Variants in CASP5 observed in about 807,000 individuals in gnomAD.
The protein encoded by CASP5 is caspase 5.
Under a neutral mutation model 45.2 loss-of-function variants are expected in CASP5, and 42 were observed. That is an observed-to-expected ratio of 0.93 (90% CI 0.73 to 1.20). The LOEUF (loss-of-function observed/expected upper bound fraction) is 1.20, where lower values mean the gene tolerates loss of function less well. CASP5 is among the 50% of genes most tolerant of loss of function. The pLI, the probability that CASP5 is intolerant of heterozygous loss-of-function variation, is 0.00. For synonymous variants in CASP5, 209 were observed against 186.2 expected (o/e 1.12, Z -1.00); for missense variants, 512 against 532.2 (o/e 0.96, Z 0.37).
intron 2 of CASP5, 126 bp from the exon 3 acceptor site, chr11:105,007,460 G>T: frequency 3.3e-6 from 3 of 899,146 alleles, no homozygotes; most frequent in Non-Finnish European, 5.1e-6. Flanking sequence ...TGTCTCCAGC[G>T]AATAACACAC....
At chr11:105,022,405 C>T (rs1863017543) in intron 1 of CASP5, among the ~76,000 whole-genome samples, 1 of 152,018 alleles carries the variant, frequency 6.6e-6, no homozygotes, top group Non-Finnish European at 1.5e-5. Context: ...CAGTTTCTTC[C>T]TTTTTCCAGT....
At chr11:105,005,944 T>G (rs2134715719) in intron 3 of CASP5, among the ~76,000 whole-genome samples, 1 of 152,042 alleles carries the variant, frequency 6.6e-6, no homozygotes, top group Middle Eastern at 3.4e-3. Context: ...TAGCATGTGG[T>G]TTCTGTTGAG....
chr11:104,997,436 T>C lies in CASP5; in HGVS notation c.1153A>G (p.Thr385Ala). The C allele has an allele frequency of 6.2e-7, 1 of 1,613,408 alleles. No individual in the cohort carries two copies. Among genetic ancestry groups the C allele is most frequent in the Non-Finnish European group, 8.5e-7 (1 of 1,179,416 alleles). ...CAGCAAGAATATTTCTGGAAGCATG[T>C]GATGAGTTCCGTAATGAAGATGGAG... ...RGSIFITELI[T>A]CFQKYSCCCH... The change falls in exon 8 of 10, where the codon ACA becomes GCA. Residue 385 changes from threonine to alanine, a missense_variant. Coordinates refer to ENST00000260315, the MANE Select transcript of CASP5 (RefSeq NM_004347.5).
Position 105,008,935 on chromosome 11 carries a change from A to C in CASP5, c.53T>G (p.Phe18Cys). 1 of 1,612,008 alleles carries C rather than the reference A, an allele frequency of 6.2e-7. No homozygotes were observed. Among genetic ancestry groups the C allele is most frequent in the South Asian group, 1.1e-5 (1 of 90,564 alleles). Residue 18 changes from phenylalanine (F) to cysteine (C), a missense_variant, in exon 2 of 10, where the codon TTC (phenylalanine) becomes TGC (cysteine). Phe to Cys is a radical substitution (Grantham distance 205). Transcript: ENST00000260315. ...KKRRKNFEAM[F>C]KGILQSGLDN... ...CAATCCACTCTGAAGGATACCTTTG[A>C]ACATAGCTTCAAAATTCTTACGCCT...
At chr11:105,016,365 A>T (rs183486372) in intron 1 of CASP5, among the ~76,000 whole-genome samples, 1 of 152,124 alleles carries the variant, frequency 6.6e-6, no homozygotes, top group African/African-American at 2.4e-5. Context: ...CGAGCAGAAG[A>T]CGGGTGATTT....
chr11:104,995,920 GC>G, intron 8 of CASP5, 78 bp from the exon 9 acceptor site: 1 of 902,732 alleles, frequency 1.1e-6, no homozygotes, highest in East Asian at 2.5e-5. Flanking sequence ...ACCAGGAAAT[GC>G]CTGAATGAAG....
At chr11:104,997,328 A>G in intron 8 of CASP5, 55 bp downstream of exon 8, 1 of 1,253,406 alleles carries the variant, frequency 8.0e-7, no homozygotes, top group Non-Finnish European at 1.2e-6. Context: ...GTGAATAATG[A>G]TAAATTCTTT....
chr11:105,016,529 G>C (rs990672916), intron 1 of CASP5, among the ~76,000 whole-genome samples: 2 of 152,194 alleles, frequency 1.3e-5, no homozygotes, highest in African/African-American at 4.8e-5. Flanking sequence ...CCCTTTCCTA[G>C]TCAAAGAAAG....
At chr11:105,014,462 G>T (rs1349688530) in intron 1 of CASP5, among the ~76,000 whole-genome samples, 3 of 152,108 alleles carry the variant, frequency 2.0e-5, no homozygotes, top group African/African-American at 4.8e-5. Flanking sequence ...GCTCTGTGAG[G>T]ATAGGTGGCC....
At chr11:105,004,673 T>G (rs1214374456) in intron 3 of CASP5, among the ~76,000 whole-genome samples, 2 of 152,316 alleles carry the variant, frequency 1.3e-5, no homozygotes, top group Admixed American at 1.3e-4. Context: ...CTCTTCATTT[T>G]TAATAATATT....
intron 1 of CASP5, among the ~76,000 whole-genome samples, chr11:105,019,079 C>T (rs1391172882): frequency 3.4e-5 from 5 of 148,392 alleles, no homozygotes; most frequent in East Asian, 1.9e-4. Context: ...GAAATGAAGG[C>T]AGAAATAAAG....
At chr11:105,003,173 C>T in intron 4 of CASP5, 101 bp downstream of exon 4, 1 of 768,796 alleles carries the variant, frequency 1.3e-6, no homozygotes, top group South Asian at 1.5e-5. Flanking sequence ...GCACTCCAGG[C>T]TGGGCAACAG....
At chr11:105,000,200 A>C in intron 6 of CASP5, 61 bp downstream of exon 6, 1 of 1,557,490 alleles carries the variant, frequency 6.4e-7, no homozygotes, top group African/African-American at 1.4e-5. Flanking sequence ...AATATAAACC[A>C]AACATCACAA....
chr11:104,995,824 C>G lies in CASP5; in HGVS notation c.1225G>C (p.Val409Leu), dbSNP rs781292126. Residue 409 changes from valine to leucine, a missense_variant, in exon 9 of 10, where the codon GTT becomes CTT. Transcript: ENST00000260315. ...IFRKVQKSFE[V>L]PQAKAQMPTI... ...GGCATCTGGGCTTTAGCCTGTGGAA[C>G]TTCAAATGATTTCTGTACCTAAAAG... The G allele has an allele frequency of 6.2e-7, 1 of 1,611,078 alleles. No individual in the cohort carries two copies. The highest frequency in any genetic ancestry group is 8.5e-7 in the Non-Finnish European group (1 of 1,177,702).
chr11:105,002,514 C>A (rs1328938726), intron 4 of CASP5, among the ~76,000 whole-genome samples: 1 of 152,134 alleles, frequency 6.6e-6, no homozygotes, highest in Non-Finnish European at 1.5e-5. Flanking sequence ...GTGTTGTCAT[C>A]GGCTCCAGTA....
chr11:104,999,581 CA>C (rs1861625575), intron 6 of CASP5, among the ~76,000 whole-genome samples: 2 of 152,164 alleles, frequency 1.3e-5, no homozygotes, highest in Non-Finnish European at 2.9e-5. Context: ...TAATTTCATA[CA>C]TACATACAGA....
At chr11:105,020,117 T>TA (rs1309600454) in intron 1 of CASP5, among the ~76,000 whole-genome samples, 1 of 146,054 alleles carries the variant, frequency 6.8e-6, no homozygotes, top group African/African-American at 2.5e-5. Context: ...CGCTTCATGC[T>TA]AAAAACTCTC....
chr11:105,002,090 T>A lies in CASP5; in HGVS notation c.655A>T (p.Met219Leu). 1 of 1,614,128 alleles carries A rather than the reference T, an allele frequency of 6.2e-7. No individual in the cohort carries two copies. Among genetic ancestry groups the A allele is most frequent in the Non-Finnish European group, 8.5e-7 (1 of 1,180,002 alleles). ...RNGAHYDIVGMKRLLQGLGYT... is the reference protein window; with the variant it reads ...RNGAHYDIVGLKRLLQGLGYT... ...CCCAGGCCTTGAAGCAGCCTTTTCA[T>A]CCCCACGATGTCATAGTGAGCCCCA... Residue 219 changes from methionine (M) to leucine (L), a missense_variant, in exon 5 of 10, where the codon ATG becomes TTG. Transcript: ENST00000260315.
At position 105,023,119 on chromosome 11, in the gene CASP5, C is replaced by T. The variant is rs1276006780; in HGVS notation, c.7+11G>A. The T allele has an allele frequency of 6.4e-7, 1 of 1,550,876 alleles. No homozygotes were observed. Among genetic ancestry groups the T allele is most frequent in the Non-Finnish European group, 8.7e-7 (1 of 1,146,306 alleles). On this transcript the variant is annotated intron_variant, in intron 1 of 9. Transcript: ENST00000260315. Reference sequence around the variant, plus strand: ...TACCCAGCTGCTAGTCAGAAAAGGGCCCAGACTCACCAGCCATAGCTAACA... The same window carrying T: ...TACCCAGCTGCTAGTCAGAAAAGGGTCCAGACTCACCAGCCATAGCTAACA...
Sources: allele counts gnomAD v4.1 joint callset (sites outside exome capture counted in the v4.1 genomes callset), GRCh38; gene constraint gnomAD v4.1.1; transcripts MANE v1.5; gene names NCBI Gene and HGNC (gene_info 2026-07-23, HGNC 2026-07-21).